The following ADRA1B variants were observed in gnomAD, a reference collection of about 807,000 sequenced individuals.
ADRA1B encodes adrenoceptor alpha 1B, also known as alpha-1B adrenergic receptor.
In ADRA1B, 17 loss-of-function variants were observed where a neutral mutation model predicts 17.9. That is an observed-to-expected ratio of 0.95 (90% CI 0.65 to 1.42). The LOEUF is 1.42. ADRA1B is among the 40% of genes most tolerant of loss of function. The pLI, the probability that ADRA1B is intolerant of heterozygous loss-of-function variation, is 0.00. For synonymous variants in ADRA1B, 366 were observed against 327.6 expected, an observed-to-expected ratio of 1.12 and a Z score of -1.27; for missense variants, 681 against 722.1, an observed-to-expected ratio of 0.94 and a Z score of 0.65.
rs1290115236 is a variant in ADRA1B, at chr5:159,917,021, A to T, written c.116A>T (p.Gln39Leu). 6.2e-7 allele frequency: 1 copy of T among 1,614,110 alleles called. No individual in the cohort carries two copies. The highest frequency in any genetic ancestry group is 2.2e-5 in the East Asian group (1 of 44,868). ...NQTSSNSTLPQLDITRAISVG... is the reference protein window; with the variant it reads ...NQTSSNSTLPLLDITRAISVG... ...ACCTCGAGCAACTCCACACTGCCCC[A>T]GCTGGACATCACCAGGGCCATCTCT... The change falls in exon 1 of 2, where the codon CAG (glutamine) becomes CTG (leucine). Residue 39 changes from glutamine to leucine, a missense_variant. Coordinates refer to ENST00000306675, the MANE Select transcript of ADRA1B (RefSeq NM_000679.4).
chr5:159,904,485 G>C (rs34026787), intron 1 of ADRA1B, among the ~76,000 whole-genome samples: 10,586 of 152,284 alleles, frequency 0.07, 433 homozygotes, highest in East Asian at 0.13. Flanking sequence ...AACTGAAAAA[G>C]TTTCCTCACA....
intron 1 of ADRA1B, chr5:159,951,173 G>C (rs1755429034): frequency 1.3e-6 from 1 of 755,096 alleles, no homozygotes; most frequent in Non-Finnish European, 2.4e-6. Context: ...CTGCAAGTCA[G>C]CCCCAGCCTT....
intron 1 of ADRA1B, chr5:159,955,315 T>C: frequency 2.5e-6 from 1 of 392,464 alleles, no homozygotes; most frequent in Non-Finnish European, 3.5e-6. Flanking sequence ...CACAGAGCCA[T>C]CCAGGGGTCC....
chr5:159,877,901 C>T lies in ADRA1B; in HGVS notation c.-256+12695C>T, dbSNP rs1219416226. On this transcript the variant is annotated intron_variant, in intron 1 of 2. Coordinates refer to the ADRA1B transcript ENST00000641205. ...CTAGGAAGTGATGTTTTGATGGCAG[C>T]TGGAGTGAATGCTCTTGAAATCCAC... Among the ~76,000 whole-genome samples, 4 of 152,300 alleles carry T rather than the reference C, an allele frequency of 2.6e-5. No homozygotes were observed. In the East Asian group the frequency reaches 5.8e-4, roughly 22 times the overall value.
chr5:159,928,767 G>A (rs999972445), intron 1 of ADRA1B, among the ~76,000 whole-genome samples: 3 of 152,260 alleles, frequency 2.0e-5, no homozygotes, highest in South Asian at 2.1e-4. Flanking sequence ...AGGGCAAGCC[G>A]GGCTCACTGT....
intron 1 of ADRA1B, among the ~76,000 whole-genome samples, chr5:159,953,166 G>A (rs1476055709): frequency 1.3e-5 from 2 of 152,228 alleles, no homozygotes; most frequent in East Asian, 3.9e-4. Flanking sequence ...TTCGAGACTA[G>A]CCTGGCCAAG....
At chr5:159,868,826 A>C (rs1345157323) in intron 1 of ADRA1B, 1 of 152,198 alleles carries the variant, frequency 6.6e-6, no homozygotes, top group Non-Finnish European at 1.5e-5. Flanking sequence ...CACTATTTTG[A>C]CCACAGTCAA....
chr5:159,899,263 A>AAGAAAGG (rs1754070513), intron 1 of ADRA1B, among the ~76,000 whole-genome samples: 6 of 106,412 alleles, frequency 5.6e-5, no homozygotes, highest in East Asian at 2.6e-4. Context: ...AGGAAGGAAG[A>AAGAAAGG]AAGGAAGGAA....
At chr5:159,930,982 A>G (rs1032810546) in intron 1 of ADRA1B, among the ~76,000 whole-genome samples, 1 of 147,526 alleles carries the variant, frequency 6.8e-6, no homozygotes, top group Admixed American at 6.8e-5. Context: ...AATTTAACAT[A>G]TATATAATAT....
intron 1 of ADRA1B, among the ~76,000 whole-genome samples, chr5:159,884,418 T>C (rs568330151): frequency 1.3e-5 from 2 of 152,342 alleles, no homozygotes; most frequent in African/African-American, 4.8e-5. Flanking sequence ...AGCAGGTTCC[T>C]GATAATTGGA....
At chr5:159,928,727 G>A (rs750638763) in intron 1 of ADRA1B, among the ~76,000 whole-genome samples, 2 of 152,130 alleles carry the variant, frequency 1.3e-5, no homozygotes, top group African/African-American at 2.4e-5. Context: ...CACCCTGGCC[G>A]TGCCCCAAAA....
At chr5:159,877,332 TCCCTC>T (rs1753814203) in intron 1 of ADRA1B, among the ~76,000 whole-genome samples, 1 of 152,072 alleles carries the variant, frequency 6.6e-6, no homozygotes, top group Non-Finnish European at 1.5e-5. Flanking sequence ...CCAAGCCTCT[TCCCTC>T]CCACTGCACC....
At chr5:159,981,654 C>T in the ADRA1B span, among the ~76,000 whole-genome samples, 1 of 151,052 alleles carries the variant, frequency 6.6e-6, no homozygotes, top group Non-Finnish European at 1.5e-5. Flanking sequence ...CACCACCACG[C>T]CCAGCTTATT....
intron 1 of ADRA1B, among the ~76,000 whole-genome samples, chr5:159,885,566 T>C (rs1753915105): frequency 6.6e-6 from 1 of 152,242 alleles, no homozygotes; most frequent in Admixed American, 6.5e-5. Flanking sequence ...ATGTGATGCC[T>C]GGAAGTGATG....
chr5:159,972,535 GT>G lies in ADRA1B; in HGVS notation c.*44del, dbSNP rs768970747. The G allele has an allele frequency of 2.1e-3, 2,377 of 1,151,132 alleles. 92 individuals are homozygous for G. The East Asian group carries it at 0.063, about 30-fold the overall frequency. 71.3% of individuals were successfully genotyped at this position (1,151,132 alleles called of 1,614,324 possible). A position where few individuals can be genotyped will look rare whatever the true frequency, so the allele number is the denominator to read the frequency against. On this transcript the variant is annotated 3_prime_UTR_variant, in exon 2 of 2. Transcript: ENST00000306675. The stretch of plus-strand genomic sequence containing the variant: ...TTCTTTCCCTGGGGAGGAAAACATC[GT>G]GGGGGGGAGGGGAGGGCGGGGCGGA...
chr5:159,971,559 G>T (rs185731785), intron 1 of ADRA1B, among the ~76,000 whole-genome samples: 1 of 152,178 alleles, frequency 6.6e-6, no homozygotes, highest in African/African-American at 2.4e-5. Flanking sequence ...AATTGTGGGC[G>T]ATTATTGTTA....
intron 1 of ADRA1B, among the ~76,000 whole-genome samples, chr5:159,938,847 C>G (rs1404682073): frequency 1.3e-5 from 2 of 152,188 alleles, no homozygotes; most frequent in Non-Finnish European, 2.9e-5. Flanking sequence ...CTCAGCGATG[C>G]CTAGAAAATC....
intron 1 of ADRA1B, among the ~76,000 whole-genome samples, chr5:159,911,057 A>G (rs1027967558): frequency 2.6e-5 from 4 of 152,248 alleles, no homozygotes; most frequent in African/African-American, 7.2e-5. Context: ...CCTGCCCTGG[A>G]TCTGTGATGT....
chr5:159,987,930 C>G, the ADRA1B span, among the ~76,000 whole-genome samples: 1 of 152,128 alleles, frequency 6.6e-6, no homozygotes, highest in African/African-American at 2.4e-5. Flanking sequence ...GAATGCCCCC[C>G]CTCGGCCGGC....
Sources: gnomAD v4.1 joint callset for allele counts (sites outside exome capture counted in the v4.1 genomes callset) on GRCh38, gnomAD v4.1.1 for gene constraint, MANE v1.5 for transcripts, NCBI Gene and HGNC (gene_info 2026-07-23, HGNC 2026-07-21) for gene names.